ABCG1: variants seen among roughly 807,000 people sequenced by gnomAD.
The protein encoded by ABCG1 is ATP binding cassette subfamily G member 1, also known as ATP-binding cassette sub-family G member 1.
A neutral mutation model predicts 69.2 loss-of-function variants in ABCG1; 29 were observed. That is an observed-to-expected ratio of 0.42 (90% CI 0.31 to 0.57). ABCG1 has a LOEUF of 0.57. Ranked by LOEUF, ABCG1 falls within the 20% of genes least tolerant of loss-of-function variation. The pLI is 0.15. For missense variants in ABCG1, 718 were observed against 898.1 expected (o/e 0.80, Z 2.56); for synonymous variants, 370 against 374.8 (o/e 0.99, Z 0.15).
chr21:42,238,649 A>T (rs1255787149), intron 2 of ABCG1, among the ~76,000 whole-genome samples: 1 of 152,222 alleles, frequency 6.6e-6, no homozygotes, highest in East Asian at 1.9e-4. Flanking sequence ...TCCACCATTC[A>T]AACAAAGCTT....
intron 2 of ABCG1, among the ~76,000 whole-genome samples, chr21:42,253,840 T>C (rs752592642): frequency 6.6e-6 from 1 of 152,116 alleles, no homozygotes; most frequent in Non-Finnish European, 1.5e-5. Context: ...AGTGCCTCCT[T>C]GGGGTGCCTA....
intron 2 of ABCG1, among the ~76,000 whole-genome samples, chr21:42,262,399 C>T (rs1168109923): frequency 2.0e-5 from 3 of 152,152 alleles, no homozygotes; most frequent in Non-Finnish European, 4.4e-5. Flanking sequence ...TTCTTACGGC[C>T]GTAGATTTCA....
At chr21:42,240,383 GGCCCT>G (rs2068034156) in intron 2 of ABCG1, among the ~76,000 whole-genome samples, 1 of 152,234 alleles carries the variant, frequency 6.6e-6, no homozygotes, top group Admixed American at 6.5e-5. Flanking sequence ...CTAGGGCCAT[GGCCCT>G]TTTCAGTGAA....
At position 42,296,515 on chromosome 21, in the gene ABCG1, C is replaced by T. The variant is rs535128314; in HGVS notation, c.*123C>T. On this transcript the variant is annotated 3_prime_UTR_variant, in exon 15 of 15. Transcript: ENST00000398449. The surrounding 1 kb of genome is among the most constrained non-coding windows in gnomAD (Gnocchi z 5.4). ...ACTCTTCTGATCCAACCCCTAGAAC[C>T]GCGTTGGGTTTGTGGGTGTCTCGTG... 2.2e-5 allele frequency: 19 copies of T among 876,260 alleles called. No individual in the cohort carries two copies. Among genetic ancestry groups the T allele is most frequent in the East Asian group, 1.6e-4 (6 of 37,658 alleles). The allele number at this position is 876,260 out of a possible 1,614,324, so 54.3% of individuals were successfully genotyped here. A position where few individuals can be genotyped will look rare whatever the true frequency, so the allele number is the denominator to read the frequency against.
At chr21:42,218,003 G>C (rs894823660), upstream of ABCG1, among the ~76,000 whole-genome samples, 1 of 152,068 alleles carries the variant, frequency 6.6e-6, no homozygotes, top group African/African-American at 2.4e-5. Flanking sequence ...TCAGACAAAG[G>C]CAAGGCCTCC....
upstream of ABCG1, among the ~76,000 whole-genome samples, chr21:42,211,201 G>A (rs1263312483): frequency 3.9e-5 from 6 of 152,172 alleles, 1 homozygote; most frequent in South Asian, 8.3e-4. Context: ...CTCCTGATCC[G>A]CCCGCCTCGG....
rs9980952 is a variant in ABCG1, at chr21:42,262,849, G to A, written c.287-8221G>A. 7.0e-3 allele frequency among the ~76,000 whole-genome samples: 1,059 copies of A among 152,344 alleles called. 8 individuals carry two copies. The highest frequency in any genetic ancestry group is 0.024 in the Middle Eastern group (7 of 294). The stretch of plus-strand genomic sequence containing the variant: ...GAACACAGTAGTCGCTTGCTGTGAG[G>A]CCTAAGCGGAGTGACAGGAGCAAGG... On this transcript the variant is annotated intron_variant, in intron 2 of 14. Transcript: ENST00000398449.
At chr21:42,256,424 T>C in intron 2 of ABCG1, 1 of 1,549,374 alleles carries the variant, frequency 6.5e-7, no homozygotes, top group Non-Finnish European at 8.7e-7. Context: ...TACTCACACC[T>C]TCCTGTCAGA....
intron 2 of ABCG1, among the ~76,000 whole-genome samples, chr21:42,205,899 T>A (rs1043173556): frequency 6.6e-6 from 1 of 152,240 alleles, no homozygotes; most frequent in Non-Finnish European, 1.5e-5. Flanking sequence ...TTTTCATGTA[T>A]TTTTATTTTC....
At position 42,242,146 on chromosome 21, in the gene ABCG1, G is replaced by A. The variant is rs145214856; in HGVS notation, c.286+16232G>A. Among the ~76,000 whole-genome samples the A allele has an allele frequency of 6.9e-3, 1,055 of 152,326 alleles. 12 individuals carry two copies. Among genetic ancestry groups the A allele is most frequent in the African/African-American group, 0.024 (1,017 of 41,560 alleles). On this transcript the variant is annotated intron_variant, in intron 2 of 14. Transcript: ENST00000398449. ...TTTTAAGCAAAGTTACAAAGCACATGCAGTTCTTACTACTGTATTTTGATT... is the reference window on the plus strand; with the variant it reads ...TTTTAAGCAAAGTTACAAAGCACATACAGTTCTTACTACTGTATTTTGATT...
chr21:42,272,031 T>G (rs2068627040), intron 3 of ABCG1, among the ~76,000 whole-genome samples: 1 of 152,244 alleles, frequency 6.6e-6, no homozygotes, highest in African/African-American at 2.4e-5. Flanking sequence ...TCAGTTATTT[T>G]CATGTCTGAT....
intron 2 of ABCG1, among the ~76,000 whole-genome samples, chr21:42,237,765 G>A (rs897130358): frequency 6.6e-6 from 1 of 152,194 alleles, no homozygotes; most frequent in African/African-American, 2.4e-5. Flanking sequence ...TCAAACCCAT[G>A]AGCCACCTCT....
chr21:42,234,187 C>T (rs1329010583), intron 2 of ABCG1, among the ~76,000 whole-genome samples: 1 of 152,116 alleles, frequency 6.6e-6, no homozygotes, highest in Non-Finnish European at 1.5e-5. Flanking sequence ...GGAGGGGGAA[C>T]GAGGGCCTGC....
chr21:42,223,142 G>A (rs529053496), intron 1 of ABCG1, among the ~76,000 whole-genome samples: 7 of 152,142 alleles, frequency 4.6e-5, no homozygotes, highest in African/African-American at 9.6e-5. Flanking sequence ...CTCCTGCCCC[G>A]ACCCTACCAG....
chr21:42,213,899 T>A (rs1298007816), upstream of ABCG1, among the ~76,000 whole-genome samples: 1 of 152,226 alleles, frequency 6.6e-6, no homozygotes, highest in Non-Finnish European at 1.5e-5. Context: ...GCTGAAGGAA[T>A]TTGCCCCAAG....
intron 2 of ABCG1, among the ~76,000 whole-genome samples, chr21:42,233,755 C>T (rs1208300755): frequency 2.6e-5 from 4 of 152,246 alleles, no homozygotes; most frequent in South Asian, 4.1e-4. Context: ...CTGCGGCATC[C>T]GCAGGGTGCA....
intron 11 of ABCG1, among the ~76,000 whole-genome samples, chr21:42,290,597 T>A (rs1192219382): frequency 2.0e-5 from 3 of 152,186 alleles, no homozygotes; most frequent in African/African-American, 7.2e-5. Flanking sequence ...TAGATGGATA[T>A]CCACACAATT....
At chr21:42,239,772 C>A (rs552942513) in intron 2 of ABCG1, among the ~76,000 whole-genome samples, 1 of 152,210 alleles carries the variant, frequency 6.6e-6, no homozygotes, top group African/African-American at 2.4e-5. Context: ...GGCAGAAGAC[C>A]GTCCGGGGCC....
rs1269055655 is a variant in ABCG1, at chr21:42,273,338, G to T, written c.440G>T (p.Gly147Val). Residue 147 changes from glycine to valine, a missense_variant, in exon 4 of 15, where the codon GGC becomes GTC. Transcript: ENST00000398449. The surrounding 1 kb of genome is among the most constrained non-coding windows in gnomAD (Gnocchi z 5.3). ...ATGAAGGGGGCCGTCCTCATCAACGGCCTGCCCCGGGACCTGCGCTGCTTC... is the reference window on the plus strand; with the variant it reads ...ATGAAGGGGGCCGTCCTCATCAACGTCCTGCCCCGGGACCTGCGCTGCTTC... ...TGMKGAVLIN[G>V]LPRDLRCFRK... The T allele has an allele frequency of 1.2e-6, 2 of 1,613,684 alleles. No homozygotes were observed. Among genetic ancestry groups the T allele is most frequent in the Non-Finnish European group, 1.7e-6 (2 of 1,179,944 alleles).
Sources: gnomAD v4.1 joint callset for allele counts (sites outside exome capture counted in the v4.1 genomes callset) on GRCh38, gnomAD v4.1.1 for gene constraint, Gnocchi (gnomAD v3.1) non-coding constraint, MANE v1.5 for transcripts, NCBI Gene and HGNC (gene_info 2026-07-23, HGNC 2026-07-21) for gene names.